Variants in NCAPG observed in about 807,000 individuals in gnomAD.
NCAPG encodes condensin complex subunit 3.
Under a neutral mutation model 113.1 loss-of-function variants are expected in NCAPG, and 69 were observed. The observed-to-expected ratio is 0.61, with a 90% CI of 0.50 to 0.75. The LOEUF (loss-of-function observed/expected upper bound fraction) is 0.75, where lower values mean the gene tolerates loss of function less well. Among genes scored for constraint, NCAPG ranks in the 30% least tolerant of loss-of-function variants. NCAPG has a pLI of 0.00. For missense variants in NCAPG, 1,058 were observed against 1,177.0 expected, an observed-to-expected ratio of 0.90 and a Z score of 1.48; for synonymous variants, 370 against 415.8, an observed-to-expected ratio of 0.89 and a Z score of 1.34.
Position 17,825,554 on chromosome 4 carries a change from T to C in NCAPG, c.1646T>C (p.Ile549Thr), listed in dbSNP as rs1488199455. The C allele has an allele frequency of 1.9e-6, 3 of 1,590,648 alleles. No individual in the cohort carries two copies. Among genetic ancestry groups the C allele is most frequent in the Non-Finnish European group, 2.6e-6 (3 of 1,173,976 alleles). ...CAACTTGAAATTAAAGAAGTCCACA[T>C]AGAGAAGGTACAGGTAACTTTTTTC... The part of the protein sequence containing the change: ...TEQLEIKEVH[I>T]EKNDAETLQK... Residue 549 changes from isoleucine to threonine, a missense_variant, in exon 11 of 21, where the codon ATA becomes ACA. Physicochemically the swap from Ile to Thr is moderately conservative, Grantham distance 89 (BLOSUM62 -1). Coordinates refer to ENST00000251496, the MANE Select transcript of NCAPG (RefSeq NM_022346.5).
At chr4:17,814,438 C>CT (rs1359518385) in intron 3 of NCAPG, among the ~76,000 whole-genome samples, 1 of 152,114 alleles carries the variant, frequency 6.6e-6, no homozygotes, top group Non-Finnish European at 1.5e-5. Flanking sequence ...GGGAAAAAAA[C>CT]TTCAACTAAA....
intron 15 of NCAPG, 32 bp from the exon 16 acceptor site, chr4:17,837,595 T>G (rs759452439): frequency 6.3e-7 from 1 of 1,581,174 alleles, no homozygotes; most frequent in Admixed American, 1.8e-5. Context: ...AATAATGTTC[T>G]GCCAACATAC....
intron 18 of NCAPG, 95 bp downstream of exon 18, chr4:17,840,304 G>GGACATCAGA (rs763275253): frequency 1.3e-5 from 17 of 1,298,256 alleles, no homozygotes; most frequent in Admixed American, 2.9e-5. Context: ...ATGTTTGGTT[G>GGACATCAGA]GACATCAGAA....
chr4:17,843,584 G>A lies in NCAPG; in HGVS notation c.*159G>A. 1.5e-6 allele frequency: 1 copy of A among 671,808 alleles called. No homozygotes were observed. The highest frequency in any genetic ancestry group is 1.8e-5 in the African/African-American group (1 of 55,040). The allele number at this position is 671,808 out of a possible 1,614,324, so 41.6% of individuals were successfully genotyped here. A position where few individuals can be genotyped will look rare whatever the true frequency, so the allele number is the denominator to read the frequency against. On this transcript the variant is annotated 3_prime_UTR_variant, in exon 21 of 21. Coordinates refer to ENST00000251496, the MANE Select transcript of NCAPG (RefSeq NM_022346.5). ...CTTTGGCCTGTATTAAAGCAGTAGA[G>A]CAGCATCAGTTATTATAGTCCAGAA...
At position 17,828,369 on chromosome 4, in the gene NCAPG, A is replaced by G. The variant is rs569498690; in HGVS notation, c.1745A>G (p.Asn582Ser). 5.6e-6 allele frequency: 9 copies of G among 1,604,382 alleles called. No individual in the cohort carries two copies. Among genetic ancestry groups the G allele is most frequent in the African/African-American group, 2.7e-5 (2 of 74,486 alleles). The change falls in exon 12 of 21, where the codon AAT becomes AGT. Residue 582 changes from asparagine to serine, a missense_variant. By Grantham distance (46) the Asn-to-Ser change is conservative. Transcript: ENST00000251496. The stretch of plus-strand genomic sequence containing the variant: ...TCAACAGGCTTAAGTGCAACCATGA[A>G]TGGAATCATCGAATCTTTGGTATGT... ...SISTGLSATM[N>S]GIIESLILPG...
intron 20 of NCAPG, 170 bp from the exon 21 acceptor site, chr4:17,843,132 C>A (rs1722582812): frequency 4.9e-6 from 3 of 606,528 alleles, no homozygotes; most frequent in Non-Finnish European, 8.3e-6. Context: ...GCTAGATAGC[C>A]AAGTCAGTGT....
At chr4:17,828,964 A>G (rs1438580276) in intron 12 of NCAPG, among the ~76,000 whole-genome samples, 3 of 151,534 alleles carry the variant, frequency 2.0e-5, no homozygotes, top group African/African-American at 7.3e-5. Flanking sequence ...AAAAAAGAGG[A>G]TAATTTTAGT....
At position 17,820,417 on chromosome 4, in the gene NCAPG, T is replaced by C. The variant is rs566079630; in HGVS notation, c.1118+2329T>C. ...GAGATCGAGACCATCCTAGCCAACATAGTGAAACCCCGTCTCTACTAAAAA... is the reference window on the plus strand; with the variant it reads ...GAGATCGAGACCATCCTAGCCAACACAGTGAAACCCCGTCTCTACTAAAAA... On this transcript the variant is annotated intron_variant, in intron 7 of 20. Coordinates refer to ENST00000251496, the MANE Select transcript of NCAPG (RefSeq NM_022346.5). 5.3e-5 allele frequency among the ~76,000 whole-genome samples: 8 copies of C among 152,018 alleles called. No homozygotes were observed. The South Asian group carries it at 1.7e-3, about 32-fold the overall frequency.
chr4:17,831,856 A>G (rs1232837881), intron 13 of NCAPG, among the ~76,000 whole-genome samples: 2 of 152,208 alleles, frequency 1.3e-5, no homozygotes, highest in African/African-American at 4.8e-5. Flanking sequence ...ATGGAAAGGA[A>G]TTCGAGGGCT....
chr4:17,811,007 C>A lies in NCAPG; in HGVS notation c.-71C>A. ...ATAGAAGACTACTCGGAGAGCGCTG[C>A]CTCTGGGTTGGCGGGCTGGCAGGCT... is the stretch of plus-strand genomic sequence containing the variant. On this transcript the variant is annotated 5_prime_UTR_variant, in exon 1 of 21. Transcript: ENST00000251496. The surrounding 1 kb of genome is among the most constrained non-coding windows in gnomAD (Gnocchi z 5.3). 1 of 897,484 alleles carries A rather than the reference C, an allele frequency of 1.1e-6. No homozygotes were observed. The highest frequency in any genetic ancestry group is 1.6e-6 in the Non-Finnish European group (1 of 613,412). 55.6% of individuals were successfully genotyped at this position (897,484 alleles called of 1,614,324 possible). A position where few individuals can be genotyped will look rare whatever the true frequency, so the allele number is the denominator to read the frequency against.
intron 7 of NCAPG, among the ~76,000 whole-genome samples, chr4:17,822,034 AG>A (rs1489570237): frequency 1.2e-4 from 18 of 152,044 alleles, no homozygotes; most frequent in Non-Finnish European, 7.4e-5. Context: ...AGAGATTAGT[AG>A]GGTTTCTAAG....
chr4:17,840,419 G>C (rs1722307961), intron 18 of NCAPG, among the ~76,000 whole-genome samples, 188 bp from the exon 19 acceptor site: 1 of 151,866 alleles, frequency 6.6e-6, no homozygotes, highest in Non-Finnish European at 1.5e-5. Flanking sequence ...CTCAACATAT[G>C]ACCATCTTTT....
intron 13 of NCAPG, among the ~76,000 whole-genome samples, chr4:17,833,374 G>A (rs949372595): frequency 1.2e-4 from 18 of 151,548 alleles, no homozygotes; most frequent in South Asian, 4.2e-4. Context: ...CAGGAGAATC[G>A]CTTGAACCCG....
rs1722583878 is a variant in NCAPG, at chr4:17,843,139, G to A, written c.2925-163G>A. ...TTCACTTTGCTAGATAGCCAAGTCA[G>A]TGTTTTTTTGACATTGAGATTTTAG... is the stretch of plus-strand genomic sequence containing the variant. On this transcript the variant is annotated intron_variant, in intron 20 of 20. Coordinates refer to ENST00000251496, the MANE Select transcript of NCAPG (RefSeq NM_022346.5). 6.1e-6 allele frequency: 4 copies of A among 656,338 alleles called. No individual in the cohort carries two copies. In the East Asian group the frequency reaches 9.0e-5, roughly 15 times the overall value. The allele number at this position is 656,338 out of a possible 1,614,324, so 40.7% of individuals were successfully genotyped here. A position where few individuals can be genotyped will look rare whatever the true frequency, so the allele number is the denominator to read the frequency against.
At chr4:17,832,620 A>G (rs962701277) in intron 13 of NCAPG, among the ~76,000 whole-genome samples, 23 of 152,208 alleles carry the variant, frequency 1.5e-4, no homozygotes, top group Non-Finnish European at 2.4e-4. Context: ...GGAGAGGTCC[A>G]AGATGGTGAG....
chr4:17,835,289 C>A (rs1722051762), intron 14 of NCAPG, among the ~76,000 whole-genome samples: 1 of 152,074 alleles, frequency 6.6e-6, no homozygotes, highest in Non-Finnish European at 1.5e-5. Flanking sequence ...CCACTGACCC[C>A]TCACCTGCTG....
At chr4:17,824,832 G>C (rs1347073394) in intron 9 of NCAPG, 136 bp from the exon 10 acceptor site, 2 of 514,226 alleles carry the variant, frequency 3.9e-6, no homozygotes, top group Non-Finnish European at 6.8e-6. Context: ...CAAACAGAAT[G>C]TGTGCTATTT....
rs1223046546 is a variant in NCAPG, at chr4:17,817,204, C to A, written c.776-57C>A. 3.9e-6 allele frequency: 5 copies of A among 1,279,700 alleles called. No individual in the cohort carries two copies. The African/African-American group carries it at 5.9e-5, about 15-fold the overall frequency. 79.3% of individuals were successfully genotyped at this position (1,279,700 alleles called of 1,614,324 possible). Reference sequence around the variant, plus strand: ...TTTGTTAATTAAAACAGACAAAATACAAGAGATGGAAGCTAGAGGGAGCCT... The same window carrying A: ...TTTGTTAATTAAAACAGACAAAATAAAAGAGATGGAAGCTAGAGGGAGCCT... On this transcript the variant is annotated intron_variant, in intron 5 of 20. Coordinates refer to ENST00000251496, the MANE Select transcript of NCAPG (RefSeq NM_022346.5).
intron 20 of NCAPG, chr4:17,842,970 A>C (rs1722561744): frequency 1.2e-5 from 2 of 171,096 alleles, no homozygotes; most frequent in Admixed American, 1.2e-4. Flanking sequence ...TTTTTTTGTC[A>C]CTTCTTGAGT....
Sources: allele counts gnomAD v4.1 joint callset (sites outside exome capture counted in the v4.1 genomes callset), GRCh38; gene constraint gnomAD v4.1.1; non-coding constraint Gnocchi (gnomAD v3.1); transcripts MANE v1.5; gene names NCBI Gene and HGNC (gene_info 2026-07-23, HGNC 2026-07-21).